GLCCI1: variants seen among roughly 807,000 people sequenced by gnomAD.
GLCCI1 encodes the protein glucocorticoid-induced transcript 1 protein.
Under a neutral mutation model 52.2 loss-of-function variants are expected in GLCCI1, and 24 were observed. The ratio of observed to expected loss-of-function variants is 0.46; its 90% confidence interval spans 0.33 to 0.65. GLCCI1 has a LOEUF of 0.65. Ranked by LOEUF, GLCCI1 falls within the 30% of genes least tolerant of loss-of-function variation. GLCCI1 has a pLI of 0.02. For missense variants in GLCCI1, 704 were observed against 701.5 expected (o/e 1.00, Z -0.04); for synonymous variants, 310 against 276.5 (o/e 1.12, Z -1.20).
At chr7:8,049,242 C>G (rs961163241) in intron 3 of GLCCI1, among the ~76,000 whole-genome samples, 2 of 152,094 alleles carry the variant, frequency 1.3e-5, no homozygotes, top group Non-Finnish European at 2.9e-5. Flanking sequence ...TAAAGTAAGA[C>G]TTCCCTTTAA....
intron 3 of GLCCI1, among the ~76,000 whole-genome samples, chr7:8,023,482 T>C (rs985259889): frequency 6.6e-6 from 1 of 152,042 alleles, no homozygotes; most frequent in Non-Finnish European, 1.5e-5. Flanking sequence ...CTAAATTCTT[T>C]TCTATTTCTT....
In GLCCI1 at chr7:8,086,042, T is replaced by C. The variant is rs1183668737; in HGVS notation, c.1299-151T>C. 1.6e-6 allele frequency: 1 copy of C among 641,294 alleles called. No homozygotes were observed. Among genetic ancestry groups the C allele is most frequent in the Non-Finnish European group, 2.7e-6 (1 of 370,426 alleles). The allele number at this position is 641,294 out of a possible 1,614,324, so 39.7% of individuals were successfully genotyped here. On this transcript the variant is annotated intron_variant, in intron 7 of 7. Transcript: ENST00000223145. This position sits in a 1 kb window ranked among gnomAD's most constrained non-coding sequence, Gnocchi z 4.4. ...CATGAATAGTCTGCCAGCTGACTTG[T>C]GCTATGGAAGATGTTTACCCCTCTG...
intron 2 of GLCCI1, among the ~76,000 whole-genome samples, chr7:8,012,471 G>C (rs1183712564): frequency 6.1e-5 from 6 of 98,290 alleles, no homozygotes; most frequent in African/African-American, 1.6e-4. Context: ...TTGAGATGGA[G>C]TCTTGCTCTG....
intron 3 of GLCCI1, among the ~76,000 whole-genome samples, chr7:8,029,365 A>C (rs944989356): frequency 4.6e-5 from 7 of 152,220 alleles, no homozygotes; most frequent in Admixed American, 3.3e-4. Flanking sequence ...ATTTCAATTG[A>C]TGCTGAAAAA....
intron 3 of GLCCI1, among the ~76,000 whole-genome samples, chr7:8,025,221 A>AT (rs1781589000): frequency 6.6e-6 from 1 of 152,132 alleles, no homozygotes; most frequent in Non-Finnish European, 1.5e-5. Flanking sequence ...GAGCCTAGGA[A>AT]TAGGTGCAGA....
intron 3 of GLCCI1, among the ~76,000 whole-genome samples, chr7:8,043,464 G>A (rs578154626): frequency 1.3e-5 from 2 of 152,276 alleles, no homozygotes; most frequent in East Asian, 3.9e-4. Context: ...GCTAAGTAAA[G>A]TCAGATGAGT....
At chr7:8,043,878 G>A (rs529929269) in intron 3 of GLCCI1, among the ~76,000 whole-genome samples, 2 of 151,974 alleles carry the variant, frequency 1.3e-5, no homozygotes, top group African/African-American at 4.8e-5. Context: ...AAGAATAGTT[G>A]TAATAGATGT....
intron 4 of GLCCI1, 26 bp downstream of exon 4, chr7:8,055,575 GAAT>G: frequency 7.6e-7 from 1 of 1,317,496 alleles, no homozygotes; most frequent in Non-Finnish European, 1.1e-6. Context: ...GTCCAGATTT[GAAT>G]AATTACTTTT....
chr7:8,026,289 A>G (rs1449634139), intron 3 of GLCCI1, among the ~76,000 whole-genome samples: 1 of 152,228 alleles, frequency 6.6e-6, no homozygotes, highest in Non-Finnish European at 1.5e-5. Flanking sequence ...AACAAACACC[A>G]GAGGAATTAA....
At chr7:8,032,245 A>G (rs1238995057) in intron 3 of GLCCI1, among the ~76,000 whole-genome samples, 2 of 152,088 alleles carry the variant, frequency 1.3e-5, no homozygotes, top group Admixed American at 6.5e-5. Context: ...CTTAGAATTT[A>G]TGTATGCAGC....
intron 3 of GLCCI1, among the ~76,000 whole-genome samples, chr7:8,024,518 C>T (rs778410506): frequency 4.1e-4 from 63 of 152,244 alleles, no homozygotes; most frequent in Non-Finnish European, 5.7e-4. Flanking sequence ...AAGGAAGTAA[C>T]GCCAGATATT....
intron 3 of GLCCI1, among the ~76,000 whole-genome samples, chr7:8,033,144 A>G (rs1781792678): frequency 6.6e-6 from 1 of 152,000 alleles, no homozygotes; most frequent in African/African-American, 2.4e-5. Flanking sequence ...AGAATAAAGG[A>G]CATAAATTAC....
chr7:8,067,153 A>T (rs1782646362), intron 5 of GLCCI1, among the ~76,000 whole-genome samples: 1 of 151,854 alleles, frequency 6.6e-6, no homozygotes, highest in Admixed American at 6.6e-5. Flanking sequence ...GTCTTTTTTG[A>T]TATTTGTTGG....
At chr7:7,996,526 CT>C (rs1159113708) in intron 1 of GLCCI1, among the ~76,000 whole-genome samples, 1 of 152,092 alleles carries the variant, frequency 6.6e-6, no homozygotes, top group Non-Finnish European at 1.5e-5. Flanking sequence ...TCTTTTCAAC[CT>C]TGATGCAAAG....
intron 5 of GLCCI1, among the ~76,000 whole-genome samples, chr7:8,062,127 T>C (rs1782531330): frequency 6.6e-6 from 1 of 152,194 alleles, no homozygotes; most frequent in South Asian, 2.1e-4. Flanking sequence ...AAAAACTTGG[T>C]AAGGTACCTC....
intron 3 of GLCCI1, among the ~76,000 whole-genome samples, chr7:8,051,426 A>G (rs1488145531): frequency 6.6e-6 from 1 of 152,220 alleles, no homozygotes; most frequent in Non-Finnish European, 1.5e-5. Context: ...AGCCTTGGGC[A>G]TGTCATTCAT....
In GLCCI1 at chr7:8,001,313, G is replaced by GT. The variant is rs1303914747; in HGVS notation, c.458-2595_458-2594insT. Among the ~76,000 whole-genome samples the GT allele has an allele frequency of 2.0e-5, 3 of 152,120 alleles. No homozygotes were observed. The East Asian group carries it at 5.8e-4, about 29-fold the overall frequency. On this transcript the variant is annotated intron_variant, in intron 1 of 7. Transcript: ENST00000223145. ...TCACTTATGAAGCTTAGTTTGGCTG[G>GT]ATATGAAATTCTGGGTTGAAAGTTC... is the stretch of plus-strand genomic sequence containing the variant.
At chr7:8,034,201 A>G (rs930328363) in intron 3 of GLCCI1, among the ~76,000 whole-genome samples, 4 of 152,192 alleles carry the variant, frequency 2.6e-5, no homozygotes, top group East Asian at 1.9e-4. Context: ...GAATATTTGT[A>G]TGTACAAAAT....
At chr7:8,054,993 G>A (rs1436217259) in intron 3 of GLCCI1, among the ~76,000 whole-genome samples, 1 of 152,048 alleles carries the variant, frequency 6.6e-6, no homozygotes, top group African/African-American at 2.4e-5. Context: ...ATTTTAAAGT[G>A]TTTAGTAATT....
Sources: gnomAD v4.1 joint callset for allele counts (sites outside exome capture counted in the v4.1 genomes callset) on GRCh38, gnomAD v4.1.1 for gene constraint, Gnocchi (gnomAD v3.1) non-coding constraint, MANE v1.5 for transcripts, NCBI Gene and HGNC (gene_info 2026-07-23, HGNC 2026-07-21) for gene names.